Variants in RBFOX1 observed in about 807,000 individuals in gnomAD.
RBFOX1 encodes the protein RNA binding fox-1 homolog 1.
Under a neutral mutation model 57.7 loss-of-function variants are expected in RBFOX1, and 8 were observed. The observed-to-expected ratio is 0.14, with a 90% CI of 0.08 to 0.25. The LOEUF is 0.25. RBFOX1 is among the 10% of genes least tolerant of loss of function. The pLI, the probability that RBFOX1 is intolerant of heterozygous loss-of-function variation, is 1.00. For missense variants in RBFOX1, 611 were observed against 548.5 expected (o/e 1.11, Z -1.14); for synonymous variants, 326 against 222.4 (o/e 1.47, Z -4.15).
At chr16:7,461,094 A>G (rs1289683448) in intron 4 of RBFOX1, among the ~76,000 whole-genome samples, 7 of 152,216 alleles carry the variant, frequency 4.6e-5, no homozygotes, top group Non-Finnish European at 7.3e-5. Flanking sequence ...TAACTGATAC[A>G]GCTGACAACT....
At chr16:5,684,316 T>C (rs564576404) in intron 3 of RBFOX1, among the ~76,000 whole-genome samples, 1 of 152,272 alleles carries the variant, frequency 6.6e-6, no homozygotes, top group East Asian at 1.9e-4. Context: ...TCCTATGAGT[T>C]CTGTCCCTGT....
At chr16:6,469,315 G>C in intron 2 of RBFOX1, among the ~76,000 whole-genome samples, 1 of 152,236 alleles carries the variant, frequency 6.6e-6, no homozygotes, top group South Asian at 2.1e-4. Context: ...TTACAACCAA[G>C]GTATGGGATT....
rs533516323 is a variant in RBFOX1, at chr16:5,933,230, A to C, written c.351+65895A>C. ...GCATGGCGCCAGGAGCTTCATTAAT[A>C]AAGATTGTTGCGAGGTTCCGATGTT... On this transcript the variant is annotated intron_variant, in intron 4 of 19. Coordinates refer to the RBFOX1 transcript ENST00000641259. Among the ~76,000 whole-genome samples, 3 of 152,302 alleles carry C rather than the reference A, an allele frequency of 2.0e-5. No homozygotes were observed. The South Asian group carries it at 6.2e-4, about 32-fold the overall frequency.
intron 1 of RBFOX1, among the ~76,000 whole-genome samples, chr16:6,063,495 A>C (rs919944450): frequency 3.3e-4 from 38 of 114,098 alleles, no homozygotes; most frequent in African/African-American, 1.1e-3. Flanking sequence ...ACACACACAC[A>C]CACACACACA....
At chr16:6,193,360 A>ATATATATATATATATACAT (rs1567650435) in intron 1 of RBFOX1, among the ~76,000 whole-genome samples, 4 of 66,530 alleles carry the variant, frequency 6.0e-5, no homozygotes, top group Non-Finnish European at 9.7e-5. Context: ...TATACATTAT[A>ATATATATATATATATACAT]TATATATATA....
chr16:6,504,242 C>T (rs761901246), intron 2 of RBFOX1, among the ~76,000 whole-genome samples: 6 of 152,120 alleles, frequency 3.9e-5, no homozygotes, highest in African/African-American at 1.2e-4. Flanking sequence ...ACAAGTATGT[C>T]GATTCTGAGC....
At chr16:7,021,935 TTTTC>T (rs1169391708) in intron 3 of RBFOX1, among the ~76,000 whole-genome samples, 28 of 147,232 alleles carry the variant, frequency 1.9e-4, no homozygotes, top group Non-Finnish European at 2.8e-4. Flanking sequence ...CTTTATTTTC[TTTTC>T]TTTCTTTCTT....
chr16:6,029,525 G>A (rs2095256490), intron 1 of RBFOX1, among the ~76,000 whole-genome samples: 2 of 152,166 alleles, frequency 1.3e-5, no homozygotes, highest in Admixed American at 1.3e-4. Flanking sequence ...TGTAATCCCA[G>A]CACTTTGGGA....
chr16:6,387,745 G>T (rs1195679014), intron 2 of RBFOX1, among the ~76,000 whole-genome samples: 1 of 152,032 alleles, frequency 6.6e-6, no homozygotes, highest in Non-Finnish European at 1.5e-5. Context: ...CTGCAGCCCA[G>T]AATCCATGCC....
At chr16:7,282,607 A>T (rs543495191) in intron 4 of RBFOX1, among the ~76,000 whole-genome samples, 43 of 150,806 alleles carry the variant, frequency 2.9e-4, no homozygotes, top group Admixed American at 1.9e-3. Flanking sequence ...TCCATAGGTT[A>T]TTGGGGGAAC....
At chr16:7,269,034 C>T (rs530560285) in intron 4 of RBFOX1, among the ~76,000 whole-genome samples, 2 of 112,634 alleles carry the variant, frequency 1.8e-5, no homozygotes, top group South Asian at 3.3e-4. Flanking sequence ...GAGACTCCAT[C>T]TTCCATCTCA....
intron 1 of RBFOX1, among the ~76,000 whole-genome samples, chr16:6,249,938 A>T (rs1291047532): frequency 6.6e-6 from 1 of 151,796 alleles, no homozygotes; most frequent in Non-Finnish European, 1.5e-5. Flanking sequence ...CCCCTACCCC[A>T]CAATAGGCCC....
intron 4 of RBFOX1, among the ~76,000 whole-genome samples, chr16:5,882,403 A>C (rs917697394): frequency 6.6e-5 from 10 of 152,196 alleles, no homozygotes; most frequent in African/African-American, 2.4e-4. Flanking sequence ...GAAAAGTCAT[A>C]CATTACTTTT....
chr16:6,619,766 T>G (rs2098199541), intron 2 of RBFOX1, among the ~76,000 whole-genome samples: 1 of 151,124 alleles, frequency 6.6e-6, no homozygotes, highest in Admixed American at 6.6e-5. Context: ...TAGGTAAACC[T>G]GTGTCATGGG....
At chr16:6,407,367 CTA>C in intron 2 of RBFOX1, among the ~76,000 whole-genome samples, 1 of 152,044 alleles carries the variant, frequency 6.6e-6, no homozygotes, top group African/African-American at 2.4e-5. Context: ...ATATCTATAT[CTA>C]TATCTTTACC....
chr16:6,176,632 T>C (rs1419058032), intron 1 of RBFOX1, among the ~76,000 whole-genome samples: 2 of 152,126 alleles, frequency 1.3e-5, no homozygotes, highest in East Asian at 3.8e-4. Flanking sequence ...ATGTCAGTTG[T>C]AATAACAATT....
Position 6,616,925 on chromosome 16 carries a change from A to C in RBFOX1, c.-63-37678A>C, listed in dbSNP as rs184776621. ...AACACAGTCATGCTCATTTGTTTACATATTGTCTCTGGTTGGCTTCCTGCC... is the reference window on the plus strand; with the variant it reads ...AACACAGTCATGCTCATTTGTTTACCTATTGTCTCTGGTTGGCTTCCTGCC... On this transcript the variant is annotated intron_variant, in intron 2 of 15. Coordinates refer to ENST00000550418, the MANE Select transcript of RBFOX1 (RefSeq NM_018723.4). Among the ~76,000 whole-genome samples, 395 of 152,304 alleles carry C rather than the reference A, an allele frequency of 2.6e-3. 1 individual carries two copies. The highest frequency in any genetic ancestry group is 4.1e-3 in the Non-Finnish European group (280 of 68,026).
intron 1 of RBFOX1, among the ~76,000 whole-genome samples, chr16:5,293,383 T>A (rs191290803): frequency 2.6e-5 from 4 of 152,130 alleles, no homozygotes; most frequent in African/African-American, 9.7e-5. Context: ...CCACAAATAG[T>A]CATCTTCAAT....
At chr16:5,705,452 G>C (rs79699503) in intron 3 of RBFOX1, among the ~76,000 whole-genome samples, 89 of 152,140 alleles carry the variant, frequency 5.8e-4, no homozygotes, top group East Asian at 3.3e-3. Flanking sequence ...TGCGGAGAAG[G>C]GGTTCTCACT....
Sources: gnomAD v4.1 joint callset for allele counts (sites outside exome capture counted in the v4.1 genomes callset) on GRCh38, gnomAD v4.1.1 for gene constraint, MANE v1.5 for transcripts, NCBI Gene and HGNC (gene_info 2026-07-23, HGNC 2026-07-21) for gene names.